The following KDM7A variants were observed in gnomAD, a reference collection of about 807,000 sequenced individuals.
The protein encoded by KDM7A is lysine-specific demethylase 7A.
KDM7A carries 28 observed loss-of-function variants against 114.8 expected under a neutral mutation model. That is an observed-to-expected ratio of 0.24 (90% CI 0.18 to 0.33). The LOEUF (loss-of-function observed/expected upper bound fraction) is 0.33, where lower values mean the gene tolerates loss of function less well. Ranked by LOEUF, KDM7A falls within the 10% of genes least tolerant of loss-of-function variation. The probability of loss-of-function intolerance (pLI) is 1.00; values close to 1 mark genes in which losing one functional copy is unlikely to be tolerated. For synonymous variants in KDM7A, 423 were observed against 397.8 expected, an observed-to-expected ratio of 1.06 and a Z score of -0.75; for missense variants, 942 against 1,142.5, an observed-to-expected ratio of 0.82 and a Z score of 2.53.
intron 1 of KDM7A, among the ~76,000 whole-genome samples, chr7:140,141,521 C>T (rs924961156): frequency 3.3e-5 from 5 of 152,076 alleles, no homozygotes; most frequent in African/African-American, 9.7e-5. Context: ...CAAGAATAAA[C>T]TTTTCAATAC....
chr7:140,119,845 C>A (rs1265547049), intron 8 of KDM7A, among the ~76,000 whole-genome samples: 1 of 152,194 alleles, frequency 6.6e-6, no homozygotes, highest in Non-Finnish European at 1.5e-5. Flanking sequence ...CACATTCAGG[C>A]AAGTCCAGAG....
At position 140,094,132 on chromosome 7, in the gene KDM7A, TG is replaced by T; in HGVS notation, c.2380del (p.His794MetfsTer9). ...CAAGTCTGGATCTTCAGTCTTGACATGGTATCCTAAAGAGAAGTTTTAGTTT... is the reference window on the plus strand; with the variant it reads ...CAAGTCTGGATCTTCAGTCTTGACATGTATCCTAAAGAGAAGTTTTAGTTT... ...RYDKPVECGY[H>X]VKTEDPDLRT... On this transcript the variant is annotated frameshift_variant, in exon 18 of 20. Transcript: ENST00000397560. LOFTEE classifies it high-confidence loss of function. 2 of 1,579,004 alleles carry T rather than the reference TG, an allele frequency of 1.3e-6. No homozygotes were observed. The highest frequency in any genetic ancestry group is 1.7e-6 in the Non-Finnish European group (2 of 1,147,976).
At chr7:140,114,171 C>A (rs373891218) in intron 9 of KDM7A, among the ~76,000 whole-genome samples, 1 of 151,974 alleles carries the variant, frequency 6.6e-6, no homozygotes. Context: ...ATAGAAAACG[C>A]CCCTCCCCCT....
In KDM7A at chr7:140,089,244, T is replaced by C. The variant is rs1817981639; in HGVS notation, c.*1850A>G. 6.6e-6 allele frequency: 1 copy of C among 152,188 alleles called. No homozygotes were observed. The highest frequency in any genetic ancestry group is 1.5e-5 in the Non-Finnish European group (1 of 68,018). The allele number at this position is 152,188 out of a possible 1,614,324, so 9.4% of individuals were successfully genotyped here. A position where few individuals can be genotyped will look rare whatever the true frequency, so the allele number is the denominator to read the frequency against. On this transcript the variant is annotated 3_prime_UTR_variant, in exon 20 of 20. Transcript: ENST00000397560. ...TAGACACTAAGGATTTCCATAAAAA[T>C]TCTTTTTCCTGATACCCAGATAAGA...
At chr7:140,116,297 A>C (rs941436038) in intron 9 of KDM7A, among the ~76,000 whole-genome samples, 4 of 152,130 alleles carry the variant, frequency 2.6e-5, no homozygotes, top group Non-Finnish European at 5.9e-5. Flanking sequence ...TTCATACAAC[A>C]GAATACTCTA....
chr7:140,091,224 A>G, intron 19 of KDM7A, 36 bp from the exon 20 acceptor site: 2 of 1,404,074 alleles, frequency 1.4e-6, no homozygotes, highest in Non-Finnish European at 2.0e-6. Flanking sequence ...AGTAATGATG[A>G]AAAGTACACT....
intron 7 of KDM7A, among the ~76,000 whole-genome samples, chr7:140,123,942 C>A (rs559251170): frequency 4.0e-4 from 60 of 151,772 alleles, no homozygotes; most frequent in Non-Finnish European, 7.8e-4. Context: ...TGGTGGCGGG[C>A]GCCTGTAGTC....
At chr7:140,135,364 G>A (rs988851551) in intron 2 of KDM7A, among the ~76,000 whole-genome samples, 4 of 151,774 alleles carry the variant, frequency 2.6e-5, no homozygotes, top group Non-Finnish European at 4.4e-5. Context: ...CACCACATTC[G>A]GCTAATTTTT....
chr7:140,134,708 G>A (rs916744786), intron 2 of KDM7A, among the ~76,000 whole-genome samples: 1 of 152,144 alleles, frequency 6.6e-6, no homozygotes, highest in South Asian at 2.1e-4. Flanking sequence ...ATATGTGTTA[G>A]AGCATGTAAT....
At chr7:140,153,442 C>T (rs1367521205) in intron 1 of KDM7A, among the ~76,000 whole-genome samples, 7 of 151,144 alleles carry the variant, frequency 4.6e-5, no homozygotes, top group African/African-American at 1.5e-4. Context: ...GCCGAGATCA[C>T]GCCAGTGCAC....
At chr7:140,165,068 C>T (rs944138171) in intron 1 of KDM7A, among the ~76,000 whole-genome samples, 1 of 152,112 alleles carries the variant, frequency 6.6e-6, no homozygotes, top group African/African-American at 2.4e-5. Flanking sequence ...AAATACTCAC[C>T]ATCTTTTTAA....
intron 1 of KDM7A, among the ~76,000 whole-genome samples, chr7:140,147,782 C>T (rs1200713814): frequency 6.6e-6 from 1 of 152,184 alleles, no homozygotes; most frequent in Non-Finnish European, 1.5e-5. Context: ...AAGGTATCCT[C>T]AGTCTACTAC....
rs1562946162 is a variant in KDM7A, at chr7:140,100,737, TATATAC to T, written c.1639-720_1639-715del. Among the ~76,000 whole-genome samples, 158 of 50,114 alleles carry T rather than the reference TATATAC, an allele frequency of 3.2e-3. 2 individuals are homozygous for T. The highest frequency in any genetic ancestry group is 0.011 in the African/African-American group (152 of 13,596). 32.9% of individuals were successfully genotyped at this position (50,114 alleles called of 152,430 possible). A position where few individuals can be genotyped will look rare whatever the true frequency, so the allele number is the denominator to read the frequency against. ...ATATATATATATATATATATATATA[TATATAC>T]ATATATATTTTTTTGTTTGTTTGTT... On this transcript the variant is annotated intron_variant, in intron 12 of 19. Coordinates refer to ENST00000397560, the MANE Select transcript of KDM7A (RefSeq NM_030647.2).
In KDM7A at chr7:140,176,969, C is replaced by T; in HGVS notation, c.-32G>A. On this transcript the variant is annotated 5_prime_UTR_variant, in exon 1 of 20. Transcript: ENST00000397560. The surrounding 1 kb of genome is among the most constrained non-coding windows in gnomAD (Gnocchi z 4.4). ...AAAACACACACACGCTCGCTCGCTA[C>T]TCCGCTCGCCGACTGGAGCGAGCGC... 1 of 1,100,262 alleles carries T rather than the reference C, an allele frequency of 9.1e-7. No homozygotes were observed. The highest frequency in any genetic ancestry group is 1.1e-6 in the Non-Finnish European group (1 of 903,114). 68.2% of individuals were successfully genotyped at this position (1,100,262 alleles called of 1,614,324 possible).
intron 1 of KDM7A, among the ~76,000 whole-genome samples, chr7:140,151,125 C>T (rs1197871881): frequency 6.6e-6 from 1 of 152,096 alleles, no homozygotes; most frequent in African/African-American, 2.4e-5. Context: ...GCCACCGTGC[C>T]CGGCCACAAT....
Position 140,111,245 on chromosome 7 carries a change from C to T in KDM7A, c.1339-61G>A. ...TTATTTACACTTTAATATGTAAAAA[C>T]AAATTTACTAAACCAATTTTTGGAT... is the stretch of plus-strand genomic sequence containing the variant. On this transcript the variant is annotated intron_variant, in intron 10 of 19. Coordinates refer to ENST00000397560, the MANE Select transcript of KDM7A (RefSeq NM_030647.2). 5.3e-6 allele frequency: 6 copies of T among 1,126,066 alleles called. 1 individual carries two copies. The South Asian group carries it at 8.2e-5, about 15-fold the overall frequency. 69.8% of individuals were successfully genotyped at this position (1,126,066 alleles called of 1,614,324 possible). A position where few individuals can be genotyped will look rare whatever the true frequency, so the allele number is the denominator to read the frequency against.
intron 1 of KDM7A, among the ~76,000 whole-genome samples, chr7:140,156,790 T>C (rs1037932983): frequency 6.6e-6 from 1 of 152,132 alleles, no homozygotes; most frequent in African/African-American, 2.4e-5. Flanking sequence ...CAGCAAGAAG[T>C]ATTTCACAGA....
chr7:140,167,510 A>G (rs1794591914), intron 1 of KDM7A, among the ~76,000 whole-genome samples: 1 of 152,196 alleles, frequency 6.6e-6, no homozygotes, highest in Non-Finnish European at 1.5e-5. Flanking sequence ...ATCTGAAGTC[A>G]CTGGGACAAA....
chr7:140,157,494 A>G (rs1331597699), intron 1 of KDM7A, among the ~76,000 whole-genome samples: 1 of 152,078 alleles, frequency 6.6e-6, no homozygotes. Context: ...CTCTACAAAA[A>G]TATTTAAAAA....
Sources: gnomAD v4.1 joint callset for allele counts (sites outside exome capture counted in the v4.1 genomes callset) on GRCh38, gnomAD v4.1.1 for gene constraint, Gnocchi (gnomAD v3.1) non-coding constraint, MANE v1.5 for transcripts, NCBI Gene and HGNC (gene_info 2026-07-23, HGNC 2026-07-21) for gene names.